Variants in DOCK3 observed in about 807,000 individuals in gnomAD.
DOCK3 encodes the protein dedicator of cytokinesis protein 3.
In DOCK3, 60 loss-of-function variants were observed where a neutral mutation model predicts 265.6. The observed-to-expected ratio is 0.23, with a 90% CI of 0.18 to 0.28. DOCK3 has a LOEUF of 0.28. DOCK3 is among the 10% of genes least tolerant of loss of function. DOCK3 has a pLI of 1.00. For missense variants in DOCK3, 1,981 were observed against 2,594.3 expected (o/e 0.76, Z 5.14); for synonymous variants, 881 against 938.0 (o/e 0.94, Z 1.11).
chr3:51,070,642 A>T (rs2081822604), intron 6 of DOCK3, among the ~76,000 whole-genome samples: 1 of 152,176 alleles, frequency 6.6e-6, no homozygotes, highest in Non-Finnish European at 1.5e-5. Context: ...TCTTATCTGT[A>T]TGCTGTTTTT....
chr3:50,689,364 A>G (rs2035054602), intron 1 of DOCK3, among the ~76,000 whole-genome samples: 1 of 152,210 alleles, frequency 6.6e-6, no homozygotes, highest in Non-Finnish European at 1.5e-5. Flanking sequence ...GGCCTCAGGA[A>G]ACTTACAATC....
At chr3:51,335,482 A>C (rs2084799019) in intron 35 of DOCK3, among the ~76,000 whole-genome samples, 1 of 152,204 alleles carries the variant, frequency 6.6e-6, no homozygotes, top group African/African-American at 2.4e-5. Context: ...GCACACATTG[A>C]ATGATGATCA....
At position 51,018,017 on chromosome 3, in the gene DOCK3, C is replaced by G. The variant is rs140882352; in HGVS notation, c.316-46431C>G. ...AAGCGATTCTCCTACCTCAGCCTCC[C>G]GAGTACCTGGATTACAGGTGCCTGC... On this transcript the variant is annotated intron_variant, in intron 5 of 52. Coordinates refer to ENST00000266037, the MANE Select transcript of DOCK3 (RefSeq NM_004947.5). 6.8e-3 allele frequency among the ~76,000 whole-genome samples: 1,030 copies of G among 151,684 alleles called. 8 individuals are homozygous for G. Among genetic ancestry groups the G allele is most frequent in the Middle Eastern group, 0.024 (7 of 294 alleles).
chr3:51,096,519 T>C (rs771159411), intron 9 of DOCK3, among the ~76,000 whole-genome samples: 5 of 152,226 alleles, frequency 3.3e-5, no homozygotes, highest in African/African-American at 7.2e-5. Flanking sequence ...TTCTCTAAAC[T>C]GGTTATTGTA....
At chr3:50,893,303 T>C in intron 4 of DOCK3, 1 of 262,958 alleles carries the variant, frequency 3.8e-6, no homozygotes, top group South Asian at 3.7e-5. Flanking sequence ...TCAAGACAAC[T>C]CAAAATAATA....
chr3:50,847,682 A>C (rs1256967488), intron 3 of DOCK3, among the ~76,000 whole-genome samples: 1 of 152,006 alleles, frequency 6.6e-6, no homozygotes, highest in Non-Finnish European at 1.5e-5. Flanking sequence ...CCAGGAGTTC[A>C]AGACTAGCCT....
chr3:50,964,936 G>A (rs2076987449), intron 5 of DOCK3, among the ~76,000 whole-genome samples: 1 of 152,004 alleles, frequency 6.6e-6, no homozygotes. Context: ...AAATCTGAAA[G>A]AAGAACTTAG....
intron 3 of DOCK3, among the ~76,000 whole-genome samples, chr3:50,887,446 T>C (rs1397163162): frequency 3.3e-5 from 4 of 122,088 alleles, no homozygotes; most frequent in Non-Finnish European, 6.7e-5. Flanking sequence ...AAAGAGGAGC[T>C]GGTACCATTC....
chr3:50,781,011 A>C (rs1399625287), intron 2 of DOCK3, among the ~76,000 whole-genome samples: 1 of 152,090 alleles, frequency 6.6e-6, no homozygotes, highest in Non-Finnish European at 1.5e-5. Flanking sequence ...GCAGAATAGT[A>C]TTCCATTGTG....
intron 12 of DOCK3, among the ~76,000 whole-genome samples, chr3:51,176,227 G>T (rs919366703): frequency 6.6e-6 from 1 of 152,000 alleles, no homozygotes; most frequent in Admixed American, 6.6e-5. Flanking sequence ...GGTACCTTAG[G>T]TCCCAAGTAT....
intron 3 of DOCK3, chr3:50,863,471 G>A (rs374715124): frequency 2.9e-5 from 15 of 519,242 alleles, no homozygotes; most frequent in Non-Finnish European, 4.6e-5. Flanking sequence ...ACAAGGGTGA[G>A]TGCAGCAGAG....
intron 33 of DOCK3, among the ~76,000 whole-genome samples, chr3:51,331,954 C>T (rs1043881431): frequency 4.6e-5 from 7 of 152,320 alleles, no homozygotes; most frequent in African/African-American, 9.6e-5. Flanking sequence ...CATTTCTCAA[C>T]GGATAAAGCC....
chr3:51,264,065 G>C (rs1447247947), intron 23 of DOCK3, among the ~76,000 whole-genome samples: 3 of 152,138 alleles, frequency 2.0e-5, no homozygotes, highest in African/African-American at 7.2e-5. Flanking sequence ...GAGTAGACCT[G>C]ATAGACATCT....
chr3:50,840,727 G>A (rs2045783066), intron 2 of DOCK3, among the ~76,000 whole-genome samples: 1 of 152,150 alleles, frequency 6.6e-6, no homozygotes, highest in African/African-American at 2.4e-5. Flanking sequence ...TGTCACATTG[G>A]TAAGTTATCA....
intron 2 of DOCK3, among the ~76,000 whole-genome samples, chr3:50,809,287 AAC>A: frequency 6.6e-6 from 1 of 152,204 alleles, no homozygotes; most frequent in African/African-American, 2.4e-5. Flanking sequence ...CTCCTCAAAA[AAC>A]ACATATCCTA....
chr3:50,755,654 A>G (rs529646603), intron 1 of DOCK3, among the ~76,000 whole-genome samples: 85 of 152,336 alleles, frequency 5.6e-4, no homozygotes, highest in African/African-American at 1.7e-3. Flanking sequence ...TCTGTGCCCA[A>G]TAGCAATCAA....
intron 4 of DOCK3, among the ~76,000 whole-genome samples, chr3:50,931,004 G>T (rs1022431951): frequency 6.6e-6 from 1 of 152,138 alleles, no homozygotes; most frequent in Non-Finnish European, 1.5e-5. Flanking sequence ...CCTGGGGGTG[G>T]GTCATGCCCG....
intron 5 of DOCK3, among the ~76,000 whole-genome samples, chr3:50,963,440 A>G (rs1450599549): frequency 6.6e-6 from 1 of 152,232 alleles, no homozygotes; most frequent in East Asian, 1.9e-4. Context: ...GAAACAAAAT[A>G]TTCAAATTGA....
chr3:51,233,256 C>T (rs1462577346), intron 19 of DOCK3, among the ~76,000 whole-genome samples: 1 of 152,152 alleles, frequency 6.6e-6, no homozygotes, highest in Non-Finnish European at 1.5e-5. Context: ...AACCCATGAG[C>T]ACGGAAGGTT....
Sources: gnomAD v4.1 joint callset for allele counts (sites outside exome capture counted in the v4.1 genomes callset) on GRCh38, gnomAD v4.1.1 for gene constraint, MANE v1.5 for transcripts, NCBI Gene and HGNC (gene_info 2026-07-23, HGNC 2026-07-21) for gene names.